Variants in USP43 observed in about 807,000 individuals in gnomAD.
USP43 encodes ubiquitin carboxyl-terminal hydrolase 43.
In USP43, 33 loss-of-function variants were observed where a neutral mutation model predicts 90.7. The observed-to-expected ratio is 0.36, with a 90% confidence interval of 0.28 to 0.49. USP43 has a LOEUF of 0.49. Ranked by LOEUF, USP43 falls within the 20% of genes least tolerant of loss-of-function variation. USP43 has a pLI of 0.98. For missense variants in USP43, 1,274 were observed against 1,476.4 expected, an observed-to-expected ratio of 0.86 and a Z score of 2.25; for synonymous variants, 598 against 615.8, an observed-to-expected ratio of 0.97 and a Z score of 0.43.
chr17:9,714,776 A>T (rs1485849837), intron 14 of USP43, among the ~76,000 whole-genome samples: 2 of 152,052 alleles, frequency 1.3e-5, no homozygotes, highest in African/African-American at 4.8e-5. Context: ...CAAGAAAAGA[A>T]CGGAGAAGGA....
chr17:9,728,477 G>T lies in USP43; in HGVS notation c.2859G>T (p.Met953Ile). Residue 953 changes from methionine to isoleucine, a missense_variant, in exon 15 of 15, where the codon ATG becomes ATT. Around this residue, in one of 6 missense-constraint regions of USP43, gnomAD observed 353 missense variants for 329.7 expected, o/e 1.07. Coordinates refer to ENST00000285199, the MANE Select transcript of USP43 (RefSeq NM_153210.5). This position sits in a 1 kb window ranked among gnomAD's most constrained non-coding sequence, Gnocchi z 6.2. ...KPARPEGQKA[M>I]NWKESFQMGS... ...CTCGACCGGAGGGCCAGAAGGCCAT[G>T]AACTGGAAGGAGAGCTTCCAGATGG... 2 of 1,613,698 alleles carry T rather than the reference G, an allele frequency of 1.2e-6. No homozygotes were observed. The highest frequency in any genetic ancestry group is 1.7e-6 in the Non-Finnish European group (2 of 1,179,772).
intron 1 of USP43, chr17:9,647,061 C>CAAAAAAAAAAAAAAAA (rs11305216): frequency 6.3e-5 from 5 of 79,800 alleles, no homozygotes; most frequent in Admixed American, 4.4e-4. Flanking sequence ...TTGCTTCCTG[C>CAAAAAAAAAAAAAAAA]AAAAAAAAAA....
chr17:9,686,196 T>G lies in USP43; in HGVS notation c.1242-602T>G, dbSNP rs1032040251. On this transcript the variant is annotated intron_variant, in intron 7 of 14. Transcript: ENST00000285199. This position sits in a 1 kb window ranked among gnomAD's most constrained non-coding sequence, Gnocchi z 5.5. ...GTGTATATAGACCACATTTTCTTTT[T>G]CATTTCTTTTCCATTCATCCACCGA... Among the ~76,000 whole-genome samples, 1 of 152,216 alleles carries G rather than the reference T, an allele frequency of 6.6e-6. No individual in the cohort carries two copies. Among genetic ancestry groups the G allele is most frequent in the Non-Finnish European group, 1.5e-5 (1 of 68,040 alleles).
At chr17:9,659,514 C>G (rs756813036) in intron 2 of USP43, among the ~76,000 whole-genome samples, 11 of 152,134 alleles carry the variant, frequency 7.2e-5, no homozygotes, top group African/African-American at 2.7e-4. Context: ...TTTCCCATGG[C>G]GGGAGAGAGG....
In USP43 at chr17:9,709,740, A is replaced by T. The variant is rs1412652610; in HGVS notation, c.2012-216A>T. 6.6e-6 allele frequency among the ~76,000 whole-genome samples: 1 copy of T among 151,914 alleles called. No individual in the cohort carries two copies. The highest frequency in any genetic ancestry group is 1.5e-5 in the Non-Finnish European group (1 of 68,000). On this transcript the variant is annotated intron_variant, in intron 12 of 14. Coordinates refer to ENST00000285199, the MANE Select transcript of USP43 (RefSeq NM_153210.5). The surrounding 1 kb of genome is among the most constrained non-coding windows in gnomAD (Gnocchi z 5.0). ...CAAAAATAAATAAAAATAAATAAAT[A>T]AATAAAAATAATAACAGCACTTGTT...
At chr17:9,724,314 G>T (rs188204334) in intron 14 of USP43, among the ~76,000 whole-genome samples, 61 of 152,250 alleles carry the variant, frequency 4.0e-4, no homozygotes, top group African/African-American at 1.4e-3. Context: ...GGGTAGGCTT[G>T]TCCCAGGTTG....
At chr17:9,697,204 G>T (rs190534873) in intron 9 of USP43, among the ~76,000 whole-genome samples, 15 of 152,018 alleles carry the variant, frequency 9.9e-5, no homozygotes, top group Non-Finnish European at 1.2e-4. Context: ...GCAACAGAGC[G>T]AGACTCTGTC....
intron 5 of USP43, among the ~76,000 whole-genome samples, chr17:9,679,498 C>A (rs1004879445): frequency 6.8e-6 from 1 of 147,834 alleles, no homozygotes; most frequent in Middle Eastern, 3.2e-3. Context: ...AGCCACGGTG[C>A]CCAGCCCTGA....
chr17:9,647,703 T>G (rs570377690), intron 1 of USP43: 1 of 152,078 alleles, frequency 6.6e-6, no homozygotes, highest in Non-Finnish European at 1.5e-5. Context: ...GCTGCAGTAG[T>G]TTGAAAACAC....
At chr17:9,727,143 T>C (rs1387517771) in intron 14 of USP43, among the ~76,000 whole-genome samples, 3 of 152,044 alleles carry the variant, frequency 2.0e-5, no homozygotes, top group Non-Finnish European at 4.4e-5. Context: ...CAGCTAATTT[T>C]TGTATTTTAG....
intron 4 of USP43, 144 bp from the exon 5 acceptor site, chr17:9,676,602 C>T (rs1710537682): frequency 1.0e-6 from 1 of 988,204 alleles, no homozygotes. Flanking sequence ...GAACTCTTGA[C>T]CGCAGGTGAT....
At chr17:9,700,587 C>T (rs1915513382) in intron 10 of USP43, among the ~76,000 whole-genome samples, 1 of 152,154 alleles carries the variant, frequency 6.6e-6, no homozygotes, top group South Asian at 2.1e-4. Flanking sequence ...TAATCTTAAT[C>T]ACACCCTATG....
chr17:9,660,942 G>A (rs923359137), intron 2 of USP43, among the ~76,000 whole-genome samples: 1 of 152,236 alleles, frequency 6.6e-6, no homozygotes, highest in Admixed American at 6.5e-5. Context: ...GAACAGAGCT[G>A]TTGGGATTAT....
Position 9,645,858 on chromosome 17 carries a change from G to T in USP43, c.226G>T (p.Gly76Trp), listed in dbSNP as rs1453274019. ...AGTTCCAGCGGCCCCCGGGAGCCCC[G>T]GGGAGGAACGCCCGCCCGGACCCCA... is the stretch of plus-strand genomic sequence containing the variant. ...GPVPAAPGSP[G>W]EERPPGPQPQ... is the part of the protein sequence containing the mutation. The change falls in exon 1 of 15, where the codon GGG (glycine) becomes TGG (tryptophan). Residue 76 changes from glycine (G) to tryptophan (W), a missense_variant. Physicochemically the swap from Gly to Trp is radical, Grantham distance 184 (BLOSUM62 -2). Around this residue, in one of 6 missense-constraint regions of USP43, gnomAD observed 259 missense variants for 373.7 expected, o/e 0.69. Transcript: ENST00000285199. This position sits in a 1 kb window ranked among gnomAD's most constrained non-coding sequence, Gnocchi z 6.8. 1 of 1,417,190 alleles carries T rather than the reference G, an allele frequency of 7.1e-7. No individual in the cohort carries two copies. The highest frequency in any genetic ancestry group is 9.2e-7 in the Non-Finnish European group (1 of 1,091,720). The allele number at this position is 1,417,190 out of a possible 1,614,324, so 87.8% of individuals were successfully genotyped here. A position where few individuals can be genotyped will look rare whatever the true frequency, so the allele number is the denominator to read the frequency against.
At chr17:9,687,675 T>A (rs1333009421) in intron 8 of USP43, among the ~76,000 whole-genome samples, 2 of 152,234 alleles carry the variant, frequency 1.3e-5, no homozygotes, top group East Asian at 3.8e-4. Flanking sequence ...TAGTAAAAGC[T>A]TTTTATTTGG....
rs1013940302 is a variant in USP43, at chr17:9,709,664, C to T, written c.2012-292C>T. Among the ~76,000 whole-genome samples, 2 of 152,012 alleles carry T rather than the reference C, an allele frequency of 1.3e-5. No homozygotes were observed. Among genetic ancestry groups the T allele is most frequent in the African/African-American group, 2.4e-5 (1 of 41,466 alleles). On this transcript the variant is annotated intron_variant, in intron 12 of 14. Transcript: ENST00000285199. This position sits in a 1 kb window ranked among gnomAD's most constrained non-coding sequence, Gnocchi z 5.0. ...CCGGGGGGTGGAGGTTGCCGTGAGC[C>T]GAGATCGCGCCACTTCACTCCAGCC...
At chr17:9,725,540 C>T (rs1052171942) in intron 14 of USP43, among the ~76,000 whole-genome samples, 2 of 152,162 alleles carry the variant, frequency 1.3e-5, no homozygotes, top group African/African-American at 4.8e-5. Flanking sequence ...GCTTATTTCT[C>T]AATTTTATTA....
At chr17:9,705,674 G>A (rs1430705597) in intron 12 of USP43, among the ~76,000 whole-genome samples, 1 of 151,052 alleles carries the variant, frequency 6.6e-6, no homozygotes, top group East Asian at 2.0e-4. Flanking sequence ...AGAACTGCTT[G>A]AACCCAGAGG....
At chr17:9,726,144 G>A (rs745762284) in intron 14 of USP43, among the ~76,000 whole-genome samples, 2 of 152,088 alleles carry the variant, frequency 1.3e-5, no homozygotes, top group Admixed American at 6.5e-5. Context: ...ATGGGCTTTC[G>A]GCTTCTTCCT....
Sources: gnomAD v4.1 joint callset for allele counts (sites outside exome capture counted in the v4.1 genomes callset) on GRCh38, gnomAD v4.1.1 for gene constraint, gnomAD v4.1.1 regional missense constraint, Gnocchi (gnomAD v3.1) non-coding constraint, MANE v1.5 for transcripts, NCBI Gene and HGNC (gene_info 2026-07-23, HGNC 2026-07-21) for gene names.